The following HSD17B3 variants were observed in gnomAD, a reference collection of about 807,000 sequenced individuals.
HSD17B3 encodes the protein 17-beta-hydroxysteroid dehydrogenase type 3.
HSD17B3 carries 29 observed loss-of-function variants against 41.1 expected under a neutral mutation model. The observed-to-expected ratio is 0.71, with a 90% CI of 0.53 to 0.96. The LOEUF is 0.96. Among genes scored for constraint, HSD17B3 ranks in the 40% least tolerant of loss-of-function variants. The probability of loss-of-function intolerance (pLI) is 0.00; values close to 1 mark genes in which losing one functional copy is unlikely to be tolerated. For missense variants in HSD17B3, 323 were observed against 374.6 expected (o/e 0.86, Z 1.14); for synonymous variants, 126 against 145.6 (o/e 0.87, Z 0.97).
chr9:96,279,397 C>T (rs976059514), intron 2 of HSD17B3, among the ~76,000 whole-genome samples: 5 of 152,114 alleles, frequency 3.3e-5, no homozygotes, highest in Non-Finnish European at 5.9e-5. Flanking sequence ...CAAAGATTTC[C>T]TGATTGGTAA....
chr9:96,266,473 T>C (rs938604781), intron 2 of HSD17B3, among the ~76,000 whole-genome samples: 1 of 152,030 alleles, frequency 6.6e-6, no homozygotes, highest in African/African-American at 2.4e-5. Flanking sequence ...TCTTGCTATG[T>C]TGCCCAGGCT....
intron 5 of HSD17B3, chr9:96,250,431 C>G (rs1279468022): frequency 9.4e-7 from 1 of 1,066,866 alleles, no homozygotes; most frequent in African/African-American, 1.6e-5. Flanking sequence ...CCCAAGCAGT[C>G]TGGCATTATC....
chr9:96,297,925 A>G (rs1458892392), intron 2 of HSD17B3, among the ~76,000 whole-genome samples: 1 of 152,226 alleles, frequency 6.6e-6, no homozygotes, highest in Non-Finnish European at 1.5e-5. Context: ...ACTCAAAAAT[A>G]CTAATTGTAT....
chr9:96,247,647 G>A (rs1035479190), intron 6 of HSD17B3, among the ~76,000 whole-genome samples: 5 of 152,190 alleles, frequency 3.3e-5, no homozygotes, highest in Admixed American at 3.3e-4. Context: ...ACCGCTTTCC[G>A]TGAATGACTT....
At chr9:96,250,207 CA>C in intron 5 of HSD17B3, 2 of 1,137,090 alleles carry the variant, frequency 1.8e-6, no homozygotes, top group Non-Finnish European at 2.2e-6. Flanking sequence ...GTAAAGAAAC[CA>C]CTAGAATGAC....
At position 96,240,626 on chromosome 9, in the gene HSD17B3, T is replaced by C. The variant is rs538663104; in HGVS notation, c.822+132A>G. ...TCCGGCTTCTCTCCACCTCGCCACA[T>C]AGTCCTTGTACCTGGCTATATTAAC... On this transcript the variant is annotated intron_variant, in intron 10 of 10. Coordinates refer to ENST00000375263, the MANE Select transcript of HSD17B3 (RefSeq NM_000197.2). 1.9e-3 allele frequency: 1,784 copies of C among 942,782 alleles called. 5 individuals carry two copies. The highest frequency in any genetic ancestry group is 1.9e-3 in the Non-Finnish European group (1,148 of 590,874). The allele number at this position is 942,782 out of a possible 1,614,324, so 58.4% of individuals were successfully genotyped here. A position where few individuals can be genotyped will look rare whatever the true frequency, so the allele number is the denominator to read the frequency against.
chr9:96,294,982 C>T (rs940107125), intron 2 of HSD17B3, among the ~76,000 whole-genome samples: 13 of 143,808 alleles, frequency 9.0e-5, no homozygotes, highest in Admixed American at 4.9e-4. Flanking sequence ...AGATGAAGGA[C>T]GGGGGTCAGA....
intron 2 of HSD17B3, among the ~76,000 whole-genome samples, chr9:96,294,107 C>A (rs913821544): frequency 1.3e-5 from 2 of 152,160 alleles, no homozygotes; most frequent in Non-Finnish European, 2.9e-5. Context: ...AATTGTTTAA[C>A]ACAGCCTCAG....
intron 2 of HSD17B3, among the ~76,000 whole-genome samples, chr9:96,277,157 C>T (rs1826494279): frequency 6.7e-6 from 1 of 149,122 alleles, no homozygotes. Context: ...GCCGAGATCA[C>T]ACCACTGCAC....
intron 2 of HSD17B3, among the ~76,000 whole-genome samples, chr9:96,278,161 A>G (rs1404289078): frequency 6.6e-6 from 1 of 152,192 alleles, no homozygotes; most frequent in Non-Finnish European, 1.5e-5. Flanking sequence ...GAGAACTAAT[A>G]GACATAGTTA....
chr9:96,266,001 A>C (rs1826032358), intron 2 of HSD17B3, among the ~76,000 whole-genome samples: 1 of 152,202 alleles, frequency 6.6e-6, no homozygotes, highest in Non-Finnish European at 1.5e-5. Flanking sequence ...AACACTGATA[A>C]TACTGACAAA....
chr9:96,263,005 G>A (rs1445038298), intron 2 of HSD17B3, among the ~76,000 whole-genome samples: 1 of 152,134 alleles, frequency 6.6e-6, no homozygotes, highest in African/African-American at 2.4e-5. Flanking sequence ...TTTGCCATTT[G>A]TCTCCCTTTT....
chr9:96,257,953 C>G (rs1825730943), intron 2 of HSD17B3, among the ~76,000 whole-genome samples: 1 of 152,136 alleles, frequency 6.6e-6, no homozygotes, highest in African/African-American at 2.4e-5. Flanking sequence ...GGTGAGCCAC[C>G]CCACCCGGCC....
At chr9:96,245,566 A>G in intron 7 of HSD17B3, 140 bp from the exon 8 acceptor site, 2 of 704,570 alleles carry the variant, frequency 2.8e-6, no homozygotes, top group Non-Finnish European at 5.2e-6. Context: ...CTCTGCTTCT[A>G]GGAATGGTAA....
intron 2 of HSD17B3, among the ~76,000 whole-genome samples, chr9:96,284,473 T>G (rs1826830243): frequency 1.3e-5 from 2 of 152,212 alleles, no homozygotes. Flanking sequence ...TTTGCATAAG[T>G]GCAAAAAGAA....
intron 2 of HSD17B3, among the ~76,000 whole-genome samples, chr9:96,273,390 T>C (rs1031944672): frequency 6.6e-6 from 1 of 152,202 alleles, no homozygotes; most frequent in African/African-American, 2.4e-5. Context: ...AGCAATTGTA[T>C]CTGTGTCACC....
intron 2 of HSD17B3, among the ~76,000 whole-genome samples, chr9:96,263,622 G>A (rs970453087): frequency 2.6e-5 from 4 of 151,914 alleles, no homozygotes; most frequent in African/African-American, 4.8e-5. Flanking sequence ...CCAGCTATTC[G>A]GGAGGCTGAG....
intron 4 of HSD17B3, 137 bp from the exon 5 acceptor site, chr9:96,251,622 A>C (rs558316246): frequency 1.9e-5 from 15 of 777,688 alleles, no homozygotes; most frequent in Admixed American, 1.0e-4. Flanking sequence ...ACTGGGGGGA[A>C]GTTTTTGTCC....
chr9:96,284,917 C>G (rs1350249517), intron 2 of HSD17B3, among the ~76,000 whole-genome samples: 1 of 151,238 alleles, frequency 6.6e-6, no homozygotes, highest in South Asian at 2.1e-4. Context: ...CAGCTCACTG[C>G]AACCTCTACC....
Sources: allele counts gnomAD v4.1 joint callset (sites outside exome capture counted in the v4.1 genomes callset), GRCh38; gene constraint gnomAD v4.1.1; transcripts MANE v1.5; gene names NCBI Gene and HGNC (gene_info 2026-07-23, HGNC 2026-07-21).